Variants in RBAK observed in about 807,000 individuals in gnomAD.
RBAK encodes the protein RB associated KRAB zinc finger.
A neutral mutation model predicts 65.8 loss-of-function variants in RBAK; 39 were observed. The ratio of observed to expected loss-of-function variants is 0.59; its 90% CI spans 0.46 to 0.77. RBAK has a LOEUF of 0.77. Among genes scored for constraint, RBAK ranks in the 30% least tolerant of loss-of-function variants. The probability of loss-of-function intolerance (pLI) is 0.00; values close to 1 mark genes in which losing one functional copy is unlikely to be tolerated. For missense variants in RBAK, 884 were observed against 855.1 expected (o/e 1.03, Z -0.42); for synonymous variants, 343 against 289.7 (o/e 1.18, Z -1.87).
chr7:5,045,864 C>G lies in RBAK; in HGVS notation c.-577C>G, dbSNP rs546375545. 1.5e-5 allele frequency: 5 copies of G among 335,616 alleles called. No homozygotes were observed. Among genetic ancestry groups the G allele is most frequent in the Non-Finnish European group, 2.8e-5 (5 of 177,084 alleles). 20.8% of individuals were successfully genotyped at this position (335,616 alleles called of 1,614,324 possible). A position where few individuals can be genotyped will look rare whatever the true frequency, so the allele number is the denominator to read the frequency against. ...GCGCATGCGCGCCGCCGCTGCACTGCCCTCGCTTCCTGTGCGTCCTCAGGT... is the reference window on the plus strand; with the variant it reads ...GCGCATGCGCGCCGCCGCTGCACTGGCCTCGCTTCCTGTGCGTCCTCAGGT... On this transcript the variant is annotated 5_prime_UTR_variant, in exon 1 of 5. Coordinates refer to ENST00000396912, the MANE Select transcript of RBAK (RefSeq NM_021163.4).
chr7:5,058,747 T>G (rs1778998802), intron 4 of RBAK, among the ~76,000 whole-genome samples: 1 of 152,236 alleles, frequency 6.6e-6, no homozygotes, highest in South Asian at 2.1e-4. Flanking sequence ...TCAGGAAGTG[T>G]GAATTTCATA....
In RBAK at chr7:5,046,105, C is replaced by G. The variant is rs1276677192; in HGVS notation, c.-336C>G. On this transcript the variant is annotated 5_prime_UTR_variant, in exon 1 of 5. Transcript: ENST00000396912. Reference sequence around the variant, plus strand: ...GCCAGAGGGGCCGGACGGGAGGTGGCGGAGGTGGCGGCGGAGGCGAAGGGG... The same window carrying G: ...GCCAGAGGGGCCGGACGGGAGGTGGGGGAGGTGGCGGCGGAGGCGAAGGGG... 6.4e-6 allele frequency: 2 copies of G among 314,358 alleles called. No individual in the cohort carries two copies. The highest frequency in any genetic ancestry group is 4.7e-5 in the South Asian group (2 of 42,552). 19.5% of individuals were successfully genotyped at this position (314,358 alleles called of 1,614,324 possible).
chr7:5,052,741 T>TTTGATTGATTGA lies in RBAK; in HGVS notation c.16-4531_16-4520dup, dbSNP rs35675888. Among the ~76,000 whole-genome samples, 123 of 151,066 alleles carry TTTGATTGATTGA rather than the reference T, an allele frequency of 8.1e-4. 1 individual carries two copies. The highest frequency in any genetic ancestry group is 4.4e-3 in the Admixed American group (66 of 15,156). The stretch of plus-strand genomic sequence containing the variant: ...CGTTGTTGTTAATTAAACAGTTATC[T>TTTGATTGATTGA]TTGATTGATTGATTGATTGATTGAT... On this transcript the variant is annotated intron_variant, in intron 2 of 4. Transcript: ENST00000396912.
At chr7:5,055,493 G>A (rs1010875074) in intron 2 of RBAK, among the ~76,000 whole-genome samples, 8 of 151,782 alleles carry the variant, frequency 5.3e-5, no homozygotes, top group East Asian at 3.9e-4. Context: ...GCTTTTTCAG[G>A]TATCTTCACG....
intron 2 of RBAK, among the ~76,000 whole-genome samples, chr7:5,054,405 CAAA>C (rs35087089): frequency 0.053 from 5,463 of 103,752 alleles, 377 homozygotes; most frequent in African/African-American, 0.16. Flanking sequence ...GACTTTGCCT[CAAA>C]AAAAAAAAAA....
intron 1 of RBAK, among the ~76,000 whole-genome samples, chr7:5,047,798 G>C (rs1788027268): frequency 2.0e-5 from 3 of 151,798 alleles, no homozygotes; most frequent in South Asian, 2.1e-4. Context: ...AGTAGAGATG[G>C]GGTTTCGCCA....
intron 4 of RBAK, among the ~76,000 whole-genome samples, chr7:5,060,312 CAGAT>C (rs1779039435): frequency 6.6e-6 from 1 of 152,124 alleles, no homozygotes; most frequent in Admixed American, 6.5e-5. Flanking sequence ...TCTGATAAAA[CAGAT>C]AGGGGTTAGA....
intron 4 of RBAK, among the ~76,000 whole-genome samples, chr7:5,060,673 T>A (rs977079723): frequency 1.3e-5 from 2 of 152,244 alleles, no homozygotes; most frequent in Non-Finnish European, 2.9e-5. Context: ...GACTTGTGGC[T>A]GAGAATAAGC....
rs548963363 is a variant in RBAK at position 5,049,518 on chromosome 7, A to G, written c.15+1427A>G. 1.1e-4 allele frequency among the ~76,000 whole-genome samples: 17 copies of G among 152,252 alleles called. No homozygotes were observed. The South Asian group carries it at 3.1e-3, about 28-fold the overall frequency. On this transcript the variant is annotated intron_variant, in intron 2 of 4. Coordinates refer to ENST00000396912, the MANE Select transcript of RBAK (RefSeq NM_021163.4). ...GTTGCTGAGTCAGTCTGTAAAGATT[A>G]CCAGTGATTTCATTGCAGTCAAATC...
intron 4 of RBAK, among the ~76,000 whole-genome samples, chr7:5,061,100 A>G (rs1043955250): frequency 2.6e-5 from 4 of 152,216 alleles, no homozygotes; most frequent in South Asian, 2.1e-4. Flanking sequence ...ATTGAAAGAA[A>G]ATTAATGGCT....
At position 5,067,870 on chromosome 7, in the gene RBAK, T is replaced by G. The variant is rs1779258684; in HGVS notation, c.*2269T>G. The G allele has an allele frequency of 6.6e-6, 1 of 152,176 alleles. No homozygotes were observed. 9.4% of individuals were successfully genotyped at this position (152,176 alleles called of 1,614,324 possible). On this transcript the variant is annotated 3_prime_UTR_variant, in exon 5 of 5. Transcript: ENST00000396912. ...CAGTAAATGTACTTTGCCAATAAAA[T>G]TTTGTAATTTGATAAAAAGTTATTT... is the stretch of plus-strand genomic sequence containing the variant.
chr7:5,056,133 G>T (rs1788226162), intron 2 of RBAK, among the ~76,000 whole-genome samples: 1 of 129,276 alleles, frequency 7.7e-6, no homozygotes, highest in African/African-American at 3.1e-5. Flanking sequence ...TTTGAGACAA[G>T]GTCTCACTCT....
chr7:5,056,902 A>G (rs919470000), intron 2 of RBAK: 1 of 152,408 alleles, frequency 6.6e-6, no homozygotes, highest in Non-Finnish European at 1.5e-5. Flanking sequence ...AGTGACAAGG[A>G]GTAAAATGCT....
rs1788032851 is a variant in RBAK at position 5,048,045 on chromosome 7, C to T, written c.-32C>T. On this transcript the variant is annotated 5_prime_UTR_variant, in exon 2 of 5. Transcript: ENST00000396912. The surrounding 1 kb of genome is among the most constrained non-coding windows in gnomAD (Gnocchi z 4.4). ...TCTCCCCCTCTAGGTCTACCAGCCA[C>T]AGTCTCTGCACGTTTCCAAGAGCAG... The T allele has an allele frequency of 1.3e-6, 2 of 1,577,332 alleles. No homozygotes were observed. Among genetic ancestry groups the T allele is most frequent in the African/African-American group, 1.4e-5 (1 of 73,130 alleles).
chr7:5,054,471 T>G (rs1358516806), intron 2 of RBAK, among the ~76,000 whole-genome samples: 4 of 152,022 alleles, frequency 2.6e-5, no homozygotes, highest in Non-Finnish European at 5.9e-5. Context: ...CTGTTTTTGA[T>G]TTTGTTGTTG....
At position 5,045,860 on chromosome 7, in the gene RBAK, A is replaced by G. The variant is rs1293656075; in HGVS notation, c.-581A>G. 2 of 326,638 alleles carry G rather than the reference A, an allele frequency of 6.1e-6. No homozygotes were observed. The highest frequency in any genetic ancestry group is 2.3e-5 in the African/African-American group (1 of 42,976). The allele number at this position is 326,638 out of a possible 1,614,324, so 20.2% of individuals were successfully genotyped here. On this transcript the variant is annotated 5_prime_UTR_variant, in exon 1 of 5. Coordinates refer to ENST00000396912, the MANE Select transcript of RBAK (RefSeq NM_021163.4). ...GTTCGCGCATGCGCGCCGCCGCTGC[A>G]CTGCCCTCGCTTCCTGTGCGTCCTC...
rs745680652 is a variant in RBAK at position 5,046,317 on chromosome 7, G to A, written c.-124G>A. On this transcript the variant is annotated 5_prime_UTR_variant, in exon 1 of 5. Coordinates refer to ENST00000396912, the MANE Select transcript of RBAK (RefSeq NM_021163.4). ...TGAGGTGGACAGGAGGGGACCTCGC[G>A]AGCAGACGCGCGCCAGCGACAGCAG... 6.4e-5 allele frequency: 33 copies of A among 516,054 alleles called. No individual in the cohort carries two copies. The highest frequency in any genetic ancestry group is 6.0e-4 in the African/African-American group (31 of 51,890). The allele number at this position is 516,054 out of a possible 1,614,324, so 32.0% of individuals were successfully genotyped here.
intron 4 of RBAK, 144 bp from the exon 5 acceptor site, chr7:5,063,551 C>G: frequency 1.8e-6 from 1 of 548,472 alleles, no homozygotes; most frequent in South Asian, 2.4e-5. Flanking sequence ...AAAAAGAGAA[C>G]TATGCATTTG....
chr7:5,063,917 A>C lies in RBAK; in HGVS notation c.461A>C (p.Asp154Ala). 3 of 1,613,972 alleles carry C rather than the reference A, an allele frequency of 1.9e-6. No individual in the cohort carries two copies. In the African/African-American group the frequency reaches 4.0e-5, roughly 22 times the overall value. Residue 154 changes from aspartate to alanine, a missense_variant, in exon 5 of 5, where the codon GAT becomes GCT. By Grantham distance (126) the Asp-to-Ala change is moderately radical (BLOSUM62 -2). Transcript: ENST00000396912. ...TCTATTTCGCAATTAATTAGTAGTG[A>C]TGGAAGCTATGCTAGGACAAAACCT... ...LESISQLISSDGSYARTKPDE... is the reference protein window; with the variant it reads ...LESISQLISSAGSYARTKPDE...
Sources: gnomAD v4.1 joint callset for allele counts (sites outside exome capture counted in the v4.1 genomes callset) on GRCh38, gnomAD v4.1.1 for gene constraint, Gnocchi (gnomAD v3.1) non-coding constraint, MANE v1.5 for transcripts, NCBI Gene and HGNC (gene_info 2026-07-23, HGNC 2026-07-21) for gene names.